ALMS1: variants seen among roughly 807,000 people sequenced by gnomAD.
ALMS1 encodes centrosome-associated protein ALMS1.
In ALMS1, 271 loss-of-function variants were observed where a neutral mutation model predicts 352.2. That is an observed-to-expected ratio of 0.77 (90% CI 0.70 to 0.85). ALMS1 has a LOEUF of 0.85. Among genes scored for constraint, ALMS1 ranks in the 40% least tolerant of loss-of-function variants. ALMS1 has a pLI of 0.00. For synonymous variants in ALMS1, 1,865 were observed against 1,761.2 expected, an observed-to-expected ratio of 1.06 and a Z score of -1.48; for missense variants, 5,445 against 4,870.7, an observed-to-expected ratio of 1.12 and a Z score of -3.51.
At chr2:73,414,473 G>GTTTTTTTTTTTTTT (rs61660489) in intron 2 of ALMS1, among the ~76,000 whole-genome samples, 8 of 66,412 alleles carry the variant, frequency 1.2e-4, no homozygotes, top group African/African-American at 2.6e-4. Context: ...CTTTTTTTCC[G>GTTTTTTTTTTTTTT]TTTTTTTTTT....
At position 73,453,052 on chromosome 2, in the gene ALMS1, T is replaced by G; in HGVS notation, c.6525T>G (p.Ala2175=). The G allele has an allele frequency of 1.9e-6, 3 of 1,613,914 alleles. No individual in the cohort carries two copies. In the South Asian group the frequency reaches 3.3e-5, roughly 18 times the overall value. ...AGATCTCAAGTGCTCTTGGGCAAGC[T>G]GATCAAATTACCGGATTACAAACAG... The part of the protein sequence containing the change: ...ALKISSALGQ[A]DQITGLQTVP... Residue 2175 remains alanine, a synonymous_variant, in exon 8 of 23, where the codon GCT becomes GCG. Transcript: ENST00000613296.
intron 7 of ALMS1, among the ~76,000 whole-genome samples, chr2:73,440,939 G>A (rs1671707602): frequency 6.6e-6 from 1 of 152,204 alleles, no homozygotes; most frequent in Non-Finnish European, 1.5e-5. Flanking sequence ...TTTCAGGGGA[G>A]TTGCATTCTG....
Position 73,453,082 on chromosome 2 carries a change from C to A in ALMS1, c.6555C>A (p.Pro2185=). The change falls in exon 8 of 23, where the codon CCC becomes CCA. Residue 2185 remains proline, a synonymous_variant. Transcript: ENST00000613296. The part of the protein sequence containing the change: ...ADQITGLQTV[P]SGTYSHGENH... ...AAATTACCGGATTACAAACAGTTCC[C>A]TCTGGTACTTACTCACATGGTGAGA... The A allele has an allele frequency of 6.2e-7, 1 of 1,614,036 alleles. No homozygotes were observed. Among genetic ancestry groups the A allele is most frequent in the South Asian group, 1.1e-5 (1 of 91,062 alleles).
chr2:73,540,275 C>T (rs1272332115), intron 12 of ALMS1, among the ~76,000 whole-genome samples: 2 of 152,126 alleles, frequency 1.3e-5, no homozygotes, highest in African/African-American at 2.4e-5. Flanking sequence ...AACTAAGCTT[C>T]ATAAGTGAAG....
intron 9 of ALMS1, chr2:73,459,583 G>GTTT (rs2103808683): frequency 6.6e-6 from 1 of 151,650 alleles, no homozygotes; most frequent in African/African-American, 2.4e-5. Context: ...TGGATTTTTC[G>GTTT]TTTACTCAAA....
intron 7 of ALMS1, among the ~76,000 whole-genome samples, chr2:73,437,917 T>C (rs934282677): frequency 2.0e-5 from 3 of 152,180 alleles, no homozygotes; most frequent in Admixed American, 1.3e-4. Flanking sequence ...TGTGAAATTA[T>C]TCAAACAAGC....
chr2:73,559,128 A>G lies in ALMS1; in HGVS notation c.10370A>G (p.Gln3457Arg). 6.2e-7 allele frequency: 1 copy of G among 1,613,594 alleles called. No homozygotes were observed. Among genetic ancestry groups the G allele is most frequent in the African/African-American group, 1.3e-5 (1 of 74,978 alleles). ...EAWPNNKESL[Q>R]INIEESECHS... Reference sequence around the variant, plus strand: ...TGGCCAAACAATAAAGAATCCCTACAGATCAATATTGAAGGTAATGGGATT... The same window carrying G: ...TGGCCAAACAATAAAGAATCCCTACGGATCAATATTGAAGGTAATGGGATT... Residue 3457 changes from glutamine to arginine, a missense_variant, in exon 15 of 23, where the codon CAG becomes CGG. Gln to Arg is a conservative substitution (Grantham distance 43). Coordinates refer to ENST00000613296, the MANE Select transcript of ALMS1 (RefSeq NM_001378454.1).
At chr2:73,436,376 A>G (rs1221655795) in intron 7 of ALMS1, among the ~76,000 whole-genome samples, 1 of 152,058 alleles carries the variant, frequency 6.6e-6, no homozygotes, top group Non-Finnish European at 1.5e-5. Flanking sequence ...TGTTTATTCT[A>G]CTTTGAGCTC....
At chr2:73,454,111 T>C (rs1672010454) in intron 8 of ALMS1, 44 bp downstream of exon 8, 2 of 1,563,290 alleles carry the variant, frequency 1.3e-6, no homozygotes, top group Non-Finnish European at 1.7e-6. Flanking sequence ...AGTTTAATAA[T>C]GTGTTTAAAG....
intron 1 of ALMS1, among the ~76,000 whole-genome samples, chr2:73,405,752 G>A (rs1404413050): frequency 6.6e-6 from 1 of 151,686 alleles, no homozygotes; most frequent in Non-Finnish European, 1.5e-5. Context: ...ATAAGCTTTG[G>A]TATTTTGTGC....
chr2:73,502,038 A>AT (rs1295724543), intron 10 of ALMS1, among the ~76,000 whole-genome samples: 2 of 152,120 alleles, frequency 1.3e-5, no homozygotes, highest in Non-Finnish European at 2.9e-5. Flanking sequence ...GCATTTTAAA[A>AT]TTTAAGTTTT....
intron 7 of ALMS1, among the ~76,000 whole-genome samples, chr2:73,446,401 C>G (rs1380920288): frequency 6.6e-6 from 1 of 152,146 alleles, no homozygotes. Flanking sequence ...CTTCTTGAGC[C>G]TGTTTTGTTT....
rs535637238 is a variant in ALMS1 at position 73,585,100 on chromosome 2, A to G, written c.11547+11676A>G. 3.3e-5 allele frequency among the ~76,000 whole-genome samples: 5 copies of G among 152,296 alleles called. No individual in the cohort carries two copies. The South Asian group carries it at 1.0e-3, about 32-fold the overall frequency. On this transcript the variant is annotated intron_variant, in intron 16 of 22. Transcript: ENST00000613296. ...CTGCTATAAACATGCATGTGCAAGT[A>G]TCTTTTTCATATAATGACATATTTT... is the stretch of plus-strand genomic sequence containing the variant.
intron 12 of ALMS1, among the ~76,000 whole-genome samples, chr2:73,546,885 A>G (rs957780058): frequency 3.3e-5 from 5 of 152,194 alleles, no homozygotes; most frequent in South Asian, 2.1e-4. Flanking sequence ...ATCCCATTCT[A>G]TAATATGGAA....
At position 73,490,917 on chromosome 2, in the gene ALMS1, C is replaced by T. The variant is rs1478666857; in HGVS notation, c.8958C>T (p.Pro2986=). ...ACCAAATGAATAAACACCATTTTCC[C>T]CTTCCTCAAGGTCAGGATTGTGTAG... ...VDDQMNKHHF[P]LPQGQDCVVE... The change falls in exon 10 of 23, where the codon CCC becomes CCT. Residue 2986 remains proline (P), a synonymous_variant. Transcript: ENST00000613296. 6.2e-7 allele frequency: 1 copy of T among 1,613,710 alleles called. No homozygotes were observed. Among genetic ancestry groups the T allele is most frequent in the Non-Finnish European group, 8.5e-7 (1 of 1,179,852 alleles).
At chr2:73,514,393 CT>C (rs36124320) in intron 10 of ALMS1, among the ~76,000 whole-genome samples, 2 of 151,576 alleles carry the variant, frequency 1.3e-5, no homozygotes. Flanking sequence ...TAAATTAGTA[CT>C]TTTTTCGCTT....
chr2:73,426,926 T>C (rs1002266018), intron 6 of ALMS1, among the ~76,000 whole-genome samples: 5 of 152,262 alleles, frequency 3.3e-5, no homozygotes, highest in Admixed American at 3.3e-4. Context: ...TACCAGCTTG[T>C]AACTTGTACC....
At chr2:73,429,054 G>A (rs957429187) in intron 6 of ALMS1, among the ~76,000 whole-genome samples, 7 of 152,014 alleles carry the variant, frequency 4.6e-5, no homozygotes, top group African/African-American at 1.7e-4. Context: ...AAATGACTTC[G>A]GAGGATCACT....
chr2:73,445,412 T>C (rs372439425), intron 7 of ALMS1, among the ~76,000 whole-genome samples: 1 of 152,268 alleles, frequency 6.6e-6, no homozygotes. Flanking sequence ...TACAGACTTA[T>C]TAGTGACTGA....
Sources: gnomAD v4.1 joint callset for allele counts (sites outside exome capture counted in the v4.1 genomes callset) on GRCh38, gnomAD v4.1.1 for gene constraint, MANE v1.5 for transcripts, NCBI Gene and HGNC (gene_info 2026-07-23, HGNC 2026-07-21) for gene names.